The following IMMP2L variants were observed in gnomAD, a reference collection of about 807,000 sequenced individuals.
IMMP2L encodes the protein inner mitochondrial membrane peptidase subunit 2, also known as mitochondrial inner membrane protease subunit 2.
In IMMP2L, 18 loss-of-function variants were observed where a neutral mutation model predicts 19.3. That is an observed-to-expected ratio of 0.93 (90% CI 0.64 to 1.38). IMMP2L has a LOEUF of 1.38. Ranked by LOEUF, IMMP2L falls within the 40% of genes most tolerant of loss-of-function variation. The pLI, the probability that IMMP2L is intolerant of heterozygous loss-of-function variation, is 0.00. For synonymous variants in IMMP2L, 76 were observed against 73.0 expected, an observed-to-expected ratio of 1.04 and a Z score of -0.21; for missense variants, 233 against 218.2, an observed-to-expected ratio of 1.07 and a Z score of -0.43.
intron 4 of IMMP2L, among the ~76,000 whole-genome samples, chr7:110,897,431 T>G (rs547874569): frequency 1.3e-5 from 2 of 152,178 alleles, no homozygotes; most frequent in East Asian, 3.8e-4. Flanking sequence ...CATGACTCTA[T>G]AGCCAACAGC....
chr7:110,823,793 T>C (rs1273221890), intron 5 of IMMP2L, among the ~76,000 whole-genome samples: 1 of 152,088 alleles, frequency 6.6e-6, no homozygotes, highest in East Asian at 1.9e-4. Context: ...TTAAAGTTGC[T>C]CAGAGATAAG....
intron 1 of IMMP2L, among the ~76,000 whole-genome samples, chr7:111,553,900 C>T (rs1790955846): frequency 6.6e-6 from 1 of 152,168 alleles, no homozygotes; most frequent in Admixed American, 6.5e-5. Flanking sequence ...TGTTCCTTCA[C>T]ACAAATCTCC....
At chr7:110,751,341 T>C (rs1449318868) in intron 5 of IMMP2L, among the ~76,000 whole-genome samples, 1 of 152,008 alleles carries the variant, frequency 6.6e-6, no homozygotes, top group Non-Finnish European at 1.5e-5. Flanking sequence ...AGAAACATAC[T>C]TAATATTTGG....
At chr7:110,969,145 A>G (rs1164331166) in intron 3 of IMMP2L, among the ~76,000 whole-genome samples, 3 of 152,096 alleles carry the variant, frequency 2.0e-5, no homozygotes, top group Non-Finnish European at 4.4e-5. Flanking sequence ...GATAGGTATT[A>G]TCTGTAAAAT....
At position 111,414,733 on chromosome 7, in the gene IMMP2L, T is replaced by A. The variant is rs192680767; in HGVS notation, c.239+72505A>T. ...AATGTACATTAATGTAAGACTATCATAATAGGTGAAACTGTGTACAGGGAA... is the reference window on the plus strand; with the variant it reads ...AATGTACATTAATGTAAGACTATCAAAATAGGTGAAACTGTGTACAGGGAA... On this transcript the variant is annotated intron_variant, in intron 3 of 5. Coordinates refer to ENST00000405709, the MANE Select transcript of IMMP2L (RefSeq NM_032549.4). 1.3e-3 allele frequency among the ~76,000 whole-genome samples: 192 copies of A among 151,944 alleles called. 1 individual carries two copies. Among genetic ancestry groups the A allele is most frequent in the Non-Finnish European group, 1.9e-3 (127 of 68,010 alleles).
intron 3 of IMMP2L, among the ~76,000 whole-genome samples, chr7:111,231,024 C>CTG (rs60629485): frequency 0.33 from 48,887 of 146,234 alleles, 7,965 homozygotes; most frequent in South Asian, 0.49. Context: ...TAAGTAGTGG[C>CTG]TGTGTGTGTG....
chr7:111,358,863 G>C (rs1828984128), intron 3 of IMMP2L, among the ~76,000 whole-genome samples: 1 of 152,046 alleles, frequency 6.6e-6, no homozygotes, highest in Non-Finnish European at 1.5e-5. Flanking sequence ...GAAGGAGAAG[G>C]TGCTGTGATT....
intron 3 of IMMP2L, among the ~76,000 whole-genome samples, chr7:111,460,903 A>T (rs534538205): frequency 1.3e-5 from 2 of 152,254 alleles, no homozygotes; most frequent in East Asian, 3.9e-4. Context: ...TCAGCATTTT[A>T]GTATAGTTCC....
chr7:111,501,070 T>G lies in IMMP2L; in HGVS notation c.136-13729A>C, dbSNP rs1369587804. Among the ~76,000 whole-genome samples, 5 of 151,692 alleles carry G rather than the reference T, an allele frequency of 3.3e-5. No individual in the cohort carries two copies. The South Asian group carries it at 8.3e-4, about 25-fold the overall frequency. The stretch of plus-strand genomic sequence containing the variant: ...AACCAATGGCAAAGAAGTTAAAAAC[T>G]TTGAAAAAAAATTAGACGAATGGAT... On this transcript the variant is annotated intron_variant, in intron 2 of 5. Transcript: ENST00000405709.
At chr7:111,160,681 T>C (rs1015925029) in intron 3 of IMMP2L, among the ~76,000 whole-genome samples, 6 of 148,222 alleles carry the variant, frequency 4.0e-5, no homozygotes, top group Admixed American at 3.3e-4. Context: ...ATAAAGGTAA[T>C]TGAAAATAAT....
chr7:111,348,664 T>C (rs37649), intron 3 of IMMP2L, among the ~76,000 whole-genome samples: 30,877 of 152,046 alleles, frequency 0.2, 5,082 homozygotes, highest in African/African-American at 0.45. Context: ...TTTAAAATAC[T>C]CCCAATGGTA....
intron 3 of IMMP2L, among the ~76,000 whole-genome samples, chr7:111,331,916 A>C (rs1825916199): frequency 1.3e-5 from 2 of 151,902 alleles, no homozygotes; most frequent in African/African-American, 4.8e-5. Context: ...CCAACTTGTT[A>C]TTAACTGGGA....
intron 5 of IMMP2L, among the ~76,000 whole-genome samples, chr7:110,761,108 CCAGT>C (rs1180674732): frequency 1.3e-5 from 2 of 152,100 alleles, no homozygotes; most frequent in African/African-American, 4.8e-5. Context: ...CACCTTTCAG[CCAGT>C]CAAACTTTAA....
At chr7:110,974,893 C>T (rs372291356) in intron 3 of IMMP2L, among the ~76,000 whole-genome samples, 4 of 152,048 alleles carry the variant, frequency 2.6e-5, no homozygotes, top group African/African-American at 4.8e-5. Context: ...TTGTGTTATA[C>T]GTAGGAGAAA....
chr7:111,381,866 A>C (rs1831233726), intron 3 of IMMP2L, among the ~76,000 whole-genome samples: 1 of 152,036 alleles, frequency 6.6e-6, no homozygotes, highest in Non-Finnish European at 1.5e-5. Context: ...GGAAATGCTT[A>C]CCAACTCTCT....
chr7:111,554,715 T>C (rs1791066842), intron 1 of IMMP2L, among the ~76,000 whole-genome samples: 1 of 152,002 alleles, frequency 6.6e-6, no homozygotes, highest in Non-Finnish European at 1.5e-5. Context: ...CTCCACCTCC[T>C]GGGTTCAAGT....
intron 5 of IMMP2L, among the ~76,000 whole-genome samples, chr7:110,835,176 G>A (rs1323667386): frequency 6.6e-6 from 1 of 152,108 alleles, no homozygotes; most frequent in Non-Finnish European, 1.5e-5. Context: ...CCTAACAATA[G>A]TAAGAACAAA....
At chr7:111,232,657 C>G (rs1204573020) in intron 3 of IMMP2L, among the ~76,000 whole-genome samples, 1 of 152,090 alleles carries the variant, frequency 6.6e-6, no homozygotes, top group East Asian at 1.9e-4. Context: ...TCTTCACACT[C>G]TGAGTCATCA....
At chr7:111,054,572 C>G (rs909411269) in intron 3 of IMMP2L, among the ~76,000 whole-genome samples, 1 of 152,214 alleles carries the variant, frequency 6.6e-6, no homozygotes, top group East Asian at 1.9e-4. Flanking sequence ...TACAGTTTGT[C>G]TCAGACACAC....
Sources: allele counts gnomAD v4.1 joint callset (sites outside exome capture counted in the v4.1 genomes callset), GRCh38; gene constraint gnomAD v4.1.1; transcripts MANE v1.5; gene names NCBI Gene and HGNC (gene_info 2026-07-23, HGNC 2026-07-21).